Variants in UBE2O observed in about 807,000 individuals in gnomAD.
UBE2O encodes the protein (E3-independent) E2 ubiquitin-conjugating enzyme.
Under a neutral mutation model 125.8 loss-of-function variants are expected in UBE2O, and 15 were observed. That is an observed-to-expected ratio of 0.12 (90% confidence interval 0.08 to 0.18). The LOEUF (loss-of-function observed/expected upper bound fraction) is 0.18. Ranked by LOEUF, UBE2O falls within the 10% of genes least tolerant of loss-of-function variation. The probability of loss-of-function intolerance (pLI) is 1.00; values close to 1 mark genes in which losing one functional copy is unlikely to be tolerated. For missense variants in UBE2O, 1,280 were observed against 1,723.6 expected (o/e 0.74, Z 4.56); for synonymous variants, 708 against 703.2 (o/e 1.01, Z -0.11).
chr17:76,396,568 G>A lies in UBE2O; in HGVS notation c.2369C>T (p.Ala790Val). Residue 790 changes from alanine to valine, a missense_variant, in exon 14 of 18, where the codon GCC becomes GTC. By Grantham distance (64) the Ala-to-Val change is moderately conservative. Coordinates refer to ENST00000319380, the MANE Select transcript of UBE2O (RefSeq NM_022066.4). The surrounding 1 kb of genome is among the most constrained non-coding windows in gnomAD (Gnocchi z 6.7). ...CAGCCCGGCCATGGGGGCAGCCATG[G>A]CCACAGCCCCCTGGACGGCAGCTGT... is the stretch of plus-strand genomic sequence containing the variant. ...AATAAVQGAV[A>V]MAAPMAGLME... is the part of the protein sequence containing the mutation. The A allele has an allele frequency of 6.2e-7, 1 of 1,609,340 alleles. No homozygotes were observed. Among genetic ancestry groups the A allele is most frequent in the Non-Finnish European group, 8.5e-7 (1 of 1,178,294 alleles).
chr17:76,447,428 A>G (rs772874207), intron 1 of UBE2O, among the ~76,000 whole-genome samples: 3 of 152,236 alleles, frequency 2.0e-5, no homozygotes, highest in Non-Finnish European at 4.4e-5. Flanking sequence ...CCTGGCACAC[A>G]GTAACAGTAT....
chr17:76,432,109 G>A (rs1472824701), intron 1 of UBE2O, among the ~76,000 whole-genome samples: 1 of 152,158 alleles, frequency 6.6e-6, no homozygotes, highest in Non-Finnish European at 1.5e-5. Flanking sequence ...GTGCCCCTCA[G>A]CAGACAGCCA....
chr17:76,402,164 GAC>G lies in UBE2O; in HGVS notation c.687-39_687-38del. ...AACAGAGGTTTGGTCTCCACCAGGG[GAC>G]ACAGTGAGTACCAAAAAGTTGCGAT... On this transcript the variant is annotated intron_variant, in intron 4 of 17. Transcript: ENST00000319380. The surrounding 1 kb of genome is among the most constrained non-coding windows in gnomAD (Gnocchi z 5.4). 1 of 1,603,098 alleles carries G rather than the reference GAC, an allele frequency of 6.2e-7. No individual in the cohort carries two copies. Among genetic ancestry groups the G allele is most frequent in the Non-Finnish European group, 8.5e-7 (1 of 1,173,984 alleles).
chr17:76,423,052 G>T (rs902711605), intron 1 of UBE2O, among the ~76,000 whole-genome samples: 1 of 152,230 alleles, frequency 6.6e-6, no homozygotes. Flanking sequence ...AATGGGTGGC[G>T]TGGGCAGAAT....
At chr17:76,393,678 C>A (rs1269013870) in intron 15 of UBE2O, among the ~76,000 whole-genome samples, 1 of 152,202 alleles carries the variant, frequency 6.6e-6, no homozygotes, top group Non-Finnish European at 1.5e-5. Flanking sequence ...GATGGTCTCA[C>A]AACCAGAAGC....
At chr17:76,435,401 T>TACACAC (rs3219583) in intron 1 of UBE2O, among the ~76,000 whole-genome samples, 2 of 96,736 alleles carry the variant, frequency 2.1e-5, no homozygotes, top group South Asian at 4.2e-4. Flanking sequence ...AATATACAGA[T>TACACAC]ACACACACAC....
intron 15 of UBE2O, among the ~76,000 whole-genome samples, chr17:76,394,414 G>A (rs931482018): frequency 1.3e-5 from 2 of 152,172 alleles, no homozygotes; most frequent in Non-Finnish European, 1.5e-5. Flanking sequence ...AGAGACACTA[G>A]GCCCCGTCCA....
At chr17:76,437,727 A>AT (rs898951559) in intron 1 of UBE2O, among the ~76,000 whole-genome samples, 1 of 152,078 alleles carries the variant, frequency 6.6e-6, no homozygotes, top group African/African-American at 2.4e-5. Flanking sequence ...CTCAATGTCA[A>AT]TTTTTTTACT....
intron 5 of UBE2O, 114 bp from the exon 6 acceptor site, chr17:76,401,268 C>T (rs556424572): frequency 8.6e-5 from 105 of 1,218,388 alleles, no homozygotes; most frequent in East Asian, 7.9e-4. Context: ...CTCACACACA[C>T]GCCCCACACG....
Position 76,390,630 on chromosome 17 carries a change from C to T in UBE2O, c.*313G>A. 1 of 287,174 alleles carries T rather than the reference C, an allele frequency of 3.5e-6. No homozygotes were observed. The highest frequency in any genetic ancestry group is 6.6e-6 in the Non-Finnish European group (1 of 152,390). The allele number at this position is 287,174 out of a possible 1,614,324, so 17.8% of individuals were successfully genotyped here. A position where few individuals can be genotyped will look rare whatever the true frequency, so the allele number is the denominator to read the frequency against. Reference sequence around the variant, plus strand: ...CCGCGGCAGGCCCTGGAACACCCGCCTCTGACCTGAGAAGGGGCAGCAAGG... The same window carrying T: ...CCGCGGCAGGCCCTGGAACACCCGCTTCTGACCTGAGAAGGGGCAGCAAGG... On this transcript the variant is annotated 3_prime_UTR_variant, in exon 18 of 18. Transcript: ENST00000319380.
At position 76,395,153 on chromosome 17, in the gene UBE2O, G is replaced by C. The variant is rs533917890; in HGVS notation, c.2946+572C>G. On this transcript the variant is annotated intron_variant, in intron 15 of 17. Transcript: ENST00000319380. The surrounding 1 kb of genome is among the most constrained non-coding windows in gnomAD (Gnocchi z 5.0). ...GGCTTCCCGAAGTGCTGGGATTACA[G>C]TCGTGAGCCACCGCACCCGGCCTAT... Among the ~76,000 whole-genome samples the C allele has an allele frequency of 6.6e-6, 1 of 152,022 alleles. No homozygotes were observed. The highest frequency in any genetic ancestry group is 1.5e-5 in the Non-Finnish European group (1 of 67,986).
chr17:76,392,738 A>C (rs2143664908), intron 15 of UBE2O, among the ~76,000 whole-genome samples: 1 of 152,136 alleles, frequency 6.6e-6, no homozygotes. Context: ...GGATCACTTA[A>C]GGTCAGGAGT....
intron 1 of UBE2O, among the ~76,000 whole-genome samples, chr17:76,419,428 A>T (rs1478667576): frequency 6.6e-6 from 1 of 152,182 alleles, no homozygotes; most frequent in African/African-American, 2.4e-5. Flanking sequence ...TAGAAAAAAC[A>T]TTTTAAGTTA....
intron 1 of UBE2O, among the ~76,000 whole-genome samples, chr17:76,429,321 C>T (rs1860390299): frequency 6.6e-6 from 1 of 151,742 alleles, no homozygotes; most frequent in Admixed American, 6.5e-5. Flanking sequence ...GTGGGCAGAT[C>T]ACTTGAGCTC....
Position 76,392,090 on chromosome 17 carries a change from C to T in UBE2O, c.2970G>A (p.Lys990=). Residue 990 remains lysine, a synonymous_variant, in exon 16 of 18, where the codon AAG becomes AAA. Transcript: ENST00000319380. The stretch of plus-strand genomic sequence containing the variant: ...CCTCGTAGGGGGTTCGAGTGGGGCC[C>T]TTGATGAGAGCTGAGAAGAGGTCCT... The part of the protein sequence containing the change: ...DRMDLFSALI[K]GPTRTPYEDG... 3 of 989,576 alleles carry T rather than the reference C, an allele frequency of 3.0e-6. No individual in the cohort carries two copies. Among genetic ancestry groups the T allele is most frequent in the Non-Finnish European group, 4.2e-6 (3 of 721,870 alleles). 61.3% of individuals were successfully genotyped at this position (989,576 alleles called of 1,614,324 possible). A position where few individuals can be genotyped will look rare whatever the true frequency, so the allele number is the denominator to read the frequency against.
chr17:76,399,123 G>A lies in UBE2O; in HGVS notation c.1629-132C>T. The stretch of plus-strand genomic sequence containing the variant: ...ACTCTGAATCCCAGGTTGGCAGGAT[G>A]AGTCTCTGGTGCACAGGAAGCTCAC... On this transcript the variant is annotated intron_variant, in intron 9 of 17. Coordinates refer to ENST00000319380, the MANE Select transcript of UBE2O (RefSeq NM_022066.4). This position sits in a 1 kb window ranked among gnomAD's most constrained non-coding sequence, Gnocchi z 6.9. 2 of 1,229,590 alleles carry A rather than the reference G, an allele frequency of 1.6e-6. No individual in the cohort carries two copies. Among genetic ancestry groups the A allele is most frequent in the Non-Finnish European group, 2.2e-6 (2 of 899,090 alleles). 76.2% of individuals were successfully genotyped at this position (1,229,590 alleles called of 1,614,324 possible).
At chr17:76,401,301 C>T in intron 5 of UBE2O, 147 bp from the exon 6 acceptor site, 4 of 946,142 alleles carry the variant, frequency 4.2e-6, no homozygotes, top group South Asian at 1.7e-5. Context: ...TCCTGTGGCT[C>T]CACATCAGCA....
At chr17:76,430,474 AT>A in intron 1 of UBE2O, 1 of 256,820 alleles carries the variant, frequency 3.9e-6, no homozygotes, top group Non-Finnish European at 7.6e-6. Context: ...CAGCAGCTCC[AT>A]TTTCTACAAA....
rs147212136 is a variant in UBE2O at position 76,401,831 on chromosome 17, G to A, written c.750+233C>T. 4.0e-3 allele frequency: 1,311 copies of A among 326,536 alleles called. 17 individuals are homozygous for A. The highest frequency in any genetic ancestry group is 0.029 in the African/African-American group (1,202 of 42,090). 20.2% of individuals were successfully genotyped at this position (326,536 alleles called of 1,614,324 possible). A position where few individuals can be genotyped will look rare whatever the true frequency, so the allele number is the denominator to read the frequency against. On this transcript the variant is annotated intron_variant, in intron 5 of 17. Transcript: ENST00000319380. ...GTGGAGGTTGCAGTGAGCCGAGATC[G>A]CACCGTTGCACTCCAGCCTGGGCGA... is the stretch of plus-strand genomic sequence containing the variant.
Sources: gnomAD v4.1 joint callset for allele counts (sites outside exome capture counted in the v4.1 genomes callset) on GRCh38, gnomAD v4.1.1 for gene constraint, Gnocchi (gnomAD v3.1) non-coding constraint, MANE v1.5 for transcripts, NCBI Gene and HGNC (gene_info 2026-07-23, HGNC 2026-07-21) for gene names.